Variants in ASCC3 observed in about 807,000 individuals in gnomAD.
ASCC3 encodes the protein ASC-1 complex subunit P200.
Under a neutral mutation model 256.3 loss-of-function variants are expected in ASCC3, and 158 were observed. The observed-to-expected ratio is 0.62, with a 90% confidence interval of 0.54 to 0.70. The LOEUF is 0.70. ASCC3 is among the 30% of genes least tolerant of loss of function. The pLI, the probability that ASCC3 is intolerant of heterozygous loss-of-function variation, is 0.00. For synonymous variants in ASCC3, 948 were observed against 883.4 expected (o/e 1.07, Z -1.30); for missense variants, 2,259 against 2,626.0 (o/e 0.86, Z 3.05).
chr6:100,613,452 C>T (rs373179228), intron 30 of ASCC3, among the ~76,000 whole-genome samples: 2 of 151,942 alleles, frequency 1.3e-5, no homozygotes, highest in East Asian at 3.9e-4. Context: ...TATATAGTTC[C>T]ATCCATGCTG....
intron 3 of ASCC3, among the ~76,000 whole-genome samples, chr6:100,860,582 C>G (rs1773175747): frequency 6.6e-6 from 1 of 151,724 alleles, no homozygotes; most frequent in African/African-American, 2.4e-5. Context: ...CTACTGGATC[C>G]CTAGCAGCAT....
At chr6:100,563,894 A>C (rs1271101552) in intron 36 of ASCC3, among the ~76,000 whole-genome samples, 1 of 152,110 alleles carries the variant, frequency 6.6e-6, no homozygotes, top group Non-Finnish European at 1.5e-5. Flanking sequence ...ATGGTAGGTA[A>C]TGTACTAAGG....
chr6:100,767,367 C>A, intron 8 of ASCC3, 22 bp from the exon 9 acceptor site: 1 of 1,602,890 alleles, frequency 6.2e-7, no homozygotes, highest in South Asian at 1.1e-5. Flanking sequence ...AGGCATCACC[C>A]ATTATAAATA....
intron 37 of ASCC3, among the ~76,000 whole-genome samples, chr6:100,527,663 A>G (rs147351720): frequency 6.6e-6 from 1 of 152,296 alleles, no homozygotes; most frequent in East Asian, 1.9e-4. Context: ...ACAAATGAGA[A>G]TCATTTGTTA....
At chr6:100,733,532 G>A (rs1268120760) in intron 10 of ASCC3, among the ~76,000 whole-genome samples, 1 of 152,064 alleles carries the variant, frequency 6.6e-6, no homozygotes, top group African/African-American at 2.4e-5. Flanking sequence ...GCAGCCTGAG[G>A]CCCTCATCAG....
intron 4 of ASCC3, among the ~76,000 whole-genome samples, chr6:100,838,003 C>T (rs1454682391): frequency 2.0e-5 from 3 of 151,778 alleles, no homozygotes; most frequent in African/African-American, 7.3e-5. Flanking sequence ...CATAAAGAGG[C>T]ATAATTATGT....
Position 100,868,040 on chromosome 6 carries a change from T to C in ASCC3, c.-41-2A>G, listed in dbSNP as rs1372133617. 2.1e-6 allele frequency: 3 copies of C among 1,422,096 alleles called. No homozygotes were observed. The highest frequency in any genetic ancestry group is 3.0e-6 in the Non-Finnish European group (3 of 1,007,968). The allele number at this position is 1,422,096 out of a possible 1,614,324, so 88.1% of individuals were successfully genotyped here. ...ATCCATACAGCAAGAAACCTGAAAC[T>C]GAAACAAAACAAGATGATATTTATC... On this transcript the variant is annotated splice_acceptor_variant, in intron 1 of 41. Coordinates refer to ENST00000369162, the MANE Select transcript of ASCC3 (RefSeq NM_006828.4). LOFTEE classifies it low-confidence loss of function (5UTR_SPLICE).
In ASCC3 at chr6:100,516,272, A is replaced by ACT. The variant is rs1562086600; in HGVS notation, c.5981_5982dup (p.Leu1996ProfsTer5). 6.2e-7 allele frequency: 1 copy of ACT among 1,613,712 alleles called. No individual in the cohort carries two copies. Among genetic ancestry groups the ACT allele is most frequent in the East Asian group, 2.2e-5 (1 of 44,870 alleles). On this transcript the variant is annotated frameshift_variant, in exon 39 of 42. Coordinates refer to ENST00000369162, the MANE Select transcript of ASCC3 (RefSeq NM_006828.4). LOFTEE classifies it high-confidence loss of function. ...CAGGCATGGATCAGTTCAGGAAGGG[A>ACT]CTCGATGGAGGTCCGACCCCTAGCA...
rs138934870 is a variant in ASCC3, at chr6:100,553,399, G to A, written c.5551-13012C>T. ...TTCATTTTCTTATCTACATCATGTA[G>A]GTAATTAGAGGAAATTGAAAGTGGG... On this transcript the variant is annotated intron_variant, in intron 36 of 41. Coordinates refer to ENST00000369162, the MANE Select transcript of ASCC3 (RefSeq NM_006828.4). Among the ~76,000 whole-genome samples the A allele has an allele frequency of 4.4e-3, 663 of 152,154 alleles. 5 individuals are homozygous for A. Among genetic ancestry groups the A allele is most frequent in the African/African-American group, 0.015 (643 of 41,528 alleles).
Position 100,800,403 on chromosome 6 carries a change from G to A in ASCC3, c.1024C>T (p.Arg342Cys), listed in dbSNP as rs1226193895. The A allele has an allele frequency of 3.1e-6, 5 of 1,612,268 alleles. No individual in the cohort carries two copies. Among genetic ancestry groups the A allele is most frequent in the South Asian group, 1.1e-5 (1 of 91,044 alleles). ...CGTCTGGCAATTCTTTTTTCTTCAC[G>A]TCGATATTGTTTCATTAACTGCTTT... Reference protein sequence around the residue: ...QEKQLMKQYRREEKRIARREK... With the variant: ...QEKQLMKQYRCEEKRIARREK... The change falls in exon 6 of 42, where the codon CGT becomes TGT. Residue 342 changes from arginine (R) to cysteine (C), a missense_variant. Around this residue, in one of 2 missense-constraint regions of ASCC3, gnomAD observed 420 missense variants for 419.3 expected, o/e 1.00. Coordinates refer to ENST00000369162, the MANE Select transcript of ASCC3 (RefSeq NM_006828.4).
intron 20 of ASCC3, among the ~76,000 whole-genome samples, chr6:100,648,298 T>G (rs576386640): frequency 6.6e-6 from 1 of 152,266 alleles, no homozygotes; most frequent in East Asian, 1.9e-4. Flanking sequence ...TCATTAACTT[T>G]GCAGATTGTT....
chr6:100,651,478 T>C, intron 19 of ASCC3, 82 bp downstream of exon 19: 1 of 670,418 alleles, frequency 1.5e-6, no homozygotes, highest in Non-Finnish European at 2.4e-6. Context: ...ATACAGCTTA[T>C]ATGGTATTAA....
At chr6:100,628,922 T>G in intron 27 of ASCC3, 93 bp downstream of exon 27, 1 of 1,161,416 alleles carries the variant, frequency 8.6e-7, no homozygotes, top group Non-Finnish European at 1.2e-6. Flanking sequence ...CCTAGAAATA[T>G]ATATAAATAT....
chr6:100,690,077 G>T (rs1472812298), intron 13 of ASCC3, among the ~76,000 whole-genome samples: 1 of 152,012 alleles, frequency 6.6e-6, no homozygotes, highest in Non-Finnish European at 1.5e-5. Flanking sequence ...GTATCCATGG[G>T]AGACTGGTTT....
chr6:100,828,634 G>A (rs1771452717), intron 4 of ASCC3, among the ~76,000 whole-genome samples: 3 of 152,086 alleles, frequency 2.0e-5, no homozygotes, highest in South Asian at 4.1e-4. Flanking sequence ...GCGGATCTTC[G>A]CGGTGAGTGT....
chr6:100,767,495 T>C, intron 8 of ASCC3, 150 bp from the exon 9 acceptor site: 2 of 800,786 alleles, frequency 2.5e-6, no homozygotes, highest in Non-Finnish European at 4.0e-6. Context: ...CGGAGGTATA[T>C]GCAGTTGAGA....
intron 13 of ASCC3, among the ~76,000 whole-genome samples, chr6:100,683,867 G>C (rs1006571255): frequency 6.6e-6 from 1 of 151,880 alleles, no homozygotes; most frequent in Non-Finnish European, 1.5e-5. Context: ...TTATGGAAAA[G>C]TTCACATAGA....
At chr6:100,702,122 A>G (rs927385579) in intron 13 of ASCC3, among the ~76,000 whole-genome samples, 3 of 152,176 alleles carry the variant, frequency 2.0e-5, no homozygotes, top group African/African-American at 7.2e-5. Flanking sequence ...AGAGGGACAG[A>G]ATGAAGGCAG....
intron 8 of ASCC3, among the ~76,000 whole-genome samples, chr6:100,791,428 C>A (rs1354058582): frequency 1.3e-5 from 2 of 151,908 alleles, no homozygotes; most frequent in Non-Finnish European, 2.9e-5. Context: ...ACATTTTATG[C>A]CAGGTCCACA....
Sources: gnomAD v4.1 joint callset for allele counts (sites outside exome capture counted in the v4.1 genomes callset) on GRCh38, gnomAD v4.1.1 for gene constraint, gnomAD v4.1.1 regional missense constraint, MANE v1.5 for transcripts, NCBI Gene and HGNC (gene_info 2026-07-23, HGNC 2026-07-21) for gene names.